The following SBF2 variants were observed in gnomAD, a reference collection of about 807,000 sequenced individuals.
SBF2 encodes the protein SET binding factor 2, also known as myotubularin-related protein 13.
SBF2 carries 112 observed loss-of-function variants against 225.2 expected under a neutral mutation model. The ratio of observed to expected loss-of-function variants is 0.50; its 90% CI spans 0.43 to 0.58. The LOEUF (loss-of-function observed/expected upper bound fraction) is 0.58, where lower values mean the gene tolerates loss of function less well. SBF2 is among the 20% of genes least tolerant of loss of function. The probability of loss-of-function intolerance (pLI) is 0.00; values close to 1 mark genes in which losing one functional copy is unlikely to be tolerated. For synonymous variants in SBF2, 763 were observed against 773.3 expected (o/e 0.99, Z 0.22); for missense variants, 1,996 against 2,206.2 (o/e 0.90, Z 1.91).
At chr11:10,207,503 A>G (rs138995643) in intron 1 of SBF2, among the ~76,000 whole-genome samples, 3 of 152,258 alleles carry the variant, frequency 2.0e-5, no homozygotes, top group Admixed American at 2.0e-4. Flanking sequence ...TCCCAGGGCA[A>G]TATTCTTCAT....
chr11:9,799,189 A>C (rs556489726), intron 32 of SBF2, among the ~76,000 whole-genome samples: 8 of 152,326 alleles, frequency 5.3e-5, no homozygotes, highest in African/African-American at 1.9e-4. Context: ...CAGGGAGATC[A>C]TGTGCTCAGA....
intron 1 of SBF2, among the ~76,000 whole-genome samples, chr11:10,238,494 A>C (rs950446490): frequency 1.3e-5 from 2 of 151,528 alleles, no homozygotes; most frequent in African/African-American, 4.8e-5. Context: ...GTGGACTTTC[A>C]GGAATACTTC....
chr11:9,907,942 T>C (rs1172210705), intron 16 of SBF2, among the ~76,000 whole-genome samples: 1 of 152,232 alleles, frequency 6.6e-6, no homozygotes, highest in Admixed American at 6.5e-5. Flanking sequence ...TGCGATTATA[T>C]AGCCACAAAT....
At chr11:10,090,383 T>C (rs1481560077) in intron 2 of SBF2, among the ~76,000 whole-genome samples, 2 of 152,200 alleles carry the variant, frequency 1.3e-5, no homozygotes, top group South Asian at 2.1e-4. Flanking sequence ...GAAGGAAGAG[T>C]TGACAGGTCT....
chr11:9,980,471 G>C (rs983352966), intron 13 of SBF2, among the ~76,000 whole-genome samples: 45 of 151,622 alleles, frequency 3.0e-4, no homozygotes, highest in African/African-American at 1.1e-3. Flanking sequence ...GAAATGTTAT[G>C]GCTAATGATT....
At chr11:9,936,052 A>T (rs566159907) in intron 16 of SBF2, among the ~76,000 whole-genome samples, 33 of 152,110 alleles carry the variant, frequency 2.2e-4, no homozygotes, top group African/African-American at 7.7e-4. Flanking sequence ...TTTGCAATCT[A>T]CCCATCTGAC....
At chr11:10,086,161 A>C (rs1040999981) in intron 2 of SBF2, among the ~76,000 whole-genome samples, 4 of 150,976 alleles carry the variant, frequency 2.6e-5, no homozygotes, top group Non-Finnish European at 4.4e-5. Flanking sequence ...TCTTTATACA[A>C]TTTCTGTTTA....
At chr11:10,001,468 G>A (rs184546530) in intron 7 of SBF2, among the ~76,000 whole-genome samples, 14 of 84,060 alleles carry the variant, frequency 1.7e-4, no homozygotes, top group African/African-American at 5.6e-4. Flanking sequence ...GCAAAAAAAA[G>A]GGGGGGGCCA....
chr11:10,277,786 T>A (rs953498076), intron 1 of SBF2, among the ~76,000 whole-genome samples: 1 of 152,088 alleles, frequency 6.6e-6, no homozygotes, highest in Non-Finnish European at 1.5e-5. Context: ...CTACCACCAA[T>A]CAAGGAGCCC....
chr11:10,254,400 G>C (rs1001476955), intron 1 of SBF2, among the ~76,000 whole-genome samples: 1 of 147,424 alleles, frequency 6.8e-6, no homozygotes, highest in African/African-American at 2.5e-5. Context: ...AAAAAAAAAA[G>C]AACTACCTAT....
intron 16 of SBF2, among the ~76,000 whole-genome samples, chr11:9,934,026 G>A (rs1313834704): frequency 2.0e-5 from 3 of 152,022 alleles, no homozygotes; most frequent in Non-Finnish European, 2.9e-5. Context: ...AGCTTGCAGT[G>A]AGCTGAGATT....
intron 2 of SBF2, among the ~76,000 whole-genome samples, chr11:10,165,638 C>A (rs538360345): frequency 6.6e-6 from 1 of 152,268 alleles, no homozygotes. Context: ...AAATCTCCAT[C>A]CCAGTCACTT....
Position 10,065,399 on chromosome 11 carries a change from A to T in SBF2, c.142-22418T>A, listed in dbSNP as rs529775768. 2.6e-5 allele frequency among the ~76,000 whole-genome samples: 4 copies of T among 152,214 alleles called. No homozygotes were observed. In the East Asian group the frequency reaches 7.7e-4, roughly 29 times the overall value. ...TCAAAGTAAATAAACAAGAAAAGAT[A>T]ATAGGGATAAAAACAGAAATCAATA... On this transcript the variant is annotated intron_variant, in intron 2 of 39. Coordinates refer to ENST00000256190, the MANE Select transcript of SBF2 (RefSeq NM_030962.4).
intron 17 of SBF2, among the ~76,000 whole-genome samples, chr11:9,895,296 T>C (rs1039191707): frequency 1.3e-5 from 2 of 152,228 alleles, no homozygotes; most frequent in African/African-American, 4.8e-5. Context: ...CTGTTTATGA[T>C]TGCATATTTC....
chr11:10,259,649 A>T (rs1961237161), intron 1 of SBF2, among the ~76,000 whole-genome samples: 1 of 152,216 alleles, frequency 6.6e-6, no homozygotes, highest in African/African-American at 2.4e-5. Flanking sequence ...GTTTGATCTT[A>T]ACAAAATAAT....
chr11:9,811,216 T>C (rs1325553861), intron 30 of SBF2: 3 of 152,138 alleles, frequency 2.0e-5, no homozygotes, highest in South Asian at 4.1e-4. Flanking sequence ...AGGGTGAGGA[T>C]AGAAAAACTA....
intron 17 of SBF2, among the ~76,000 whole-genome samples, chr11:9,865,228 T>C (rs1858093720): frequency 1.3e-5 from 2 of 152,126 alleles, no homozygotes. Context: ...GAGAATTATC[T>C]GACAACTAGA....
At chr11:10,115,613 A>G (rs1953101341) in intron 2 of SBF2, among the ~76,000 whole-genome samples, 1 of 152,180 alleles carries the variant, frequency 6.6e-6, no homozygotes, top group African/African-American at 2.4e-5. Flanking sequence ...TAGATACTAA[A>G]TCCTGCAACT....
chr11:9,864,905 C>T (rs769685896), intron 17 of SBF2, among the ~76,000 whole-genome samples: 1 of 151,834 alleles, frequency 6.6e-6, no homozygotes, highest in African/African-American at 2.4e-5. Context: ...CATTTTTGGC[C>T]AGTTTTTATT....
Sources: gnomAD v4.1 joint callset for allele counts (sites outside exome capture counted in the v4.1 genomes callset) on GRCh38, gnomAD v4.1.1 for gene constraint, MANE v1.5 for transcripts, NCBI Gene and HGNC (gene_info 2026-07-23, HGNC 2026-07-21) for gene names.